ARAP2: variants seen among roughly 807,000 people sequenced by gnomAD.
The protein encoded by ARAP2 is arf-GAP with Rho-GAP domain, ANK repeat and PH domain-containing protein 2.
Under a neutral mutation model 194.5 loss-of-function variants are expected in ARAP2, and 148 were observed. The ratio of observed to expected loss-of-function variants is 0.76; its 90% CI spans 0.67 to 0.87. The LOEUF is 0.87. Ranked by LOEUF, ARAP2 falls within the 40% of genes least tolerant of loss-of-function variation. The pLI is 0.00. For synonymous variants in ARAP2, 695 were observed against 683.5 expected (o/e 1.02, Z -0.26); for missense variants, 2,128 against 1,989.7 (o/e 1.07, Z -1.32).
intron 2 of ARAP2, among the ~76,000 whole-genome samples, chr4:36,057,381 G>A (rs904939429): frequency 2.7e-5 from 4 of 149,958 alleles, no homozygotes; most frequent in Non-Finnish European, 4.4e-5. Context: ...CTTAGAGTTC[G>A]GCTAACATAT....
At chr4:36,161,713 T>C (rs1734005758) in intron 11 of ARAP2, among the ~76,000 whole-genome samples, 163 bp from the exon 12 acceptor site, 1 of 141,846 alleles carries the variant, frequency 7.0e-6, no homozygotes. Flanking sequence ...ACAAGAGCAC[T>C]AACAGTAGTG....
intron 2 of ARAP2, among the ~76,000 whole-genome samples, chr4:36,222,620 A>G (rs1457502349): frequency 6.6e-6 from 1 of 152,104 alleles, no homozygotes; most frequent in Non-Finnish European, 1.5e-5. Context: ...GATAAACACC[A>G]GTTTCAGAAT....
At chr4:36,113,944 C>T (rs1295782039) in intron 26 of ARAP2, among the ~76,000 whole-genome samples, 1 of 151,842 alleles carries the variant, frequency 6.6e-6, no homozygotes, top group East Asian at 1.9e-4. Context: ...GCAGCAAAAG[C>T]GGTACCTAAA....
Position 36,231,836 on chromosome 4 carries a change from A to G in ARAP2, c.-159-2191T>C, listed in dbSNP as rs987724792. On this transcript the variant is annotated intron_variant, in intron 1 of 32. Coordinates refer to ENST00000303965, the MANE Select transcript of ARAP2 (RefSeq NM_015230.4). The stretch of plus-strand genomic sequence containing the variant: ...CTACCGATTTTACTCCTTGCTACTG[A>G]TAGAATTATGTCCTCCCAAAATTCC... Among the ~76,000 whole-genome samples the G allele has an allele frequency of 2.0e-5, 3 of 152,108 alleles. No individual in the cohort carries two copies. In the East Asian group the frequency reaches 5.8e-4, roughly 29 times the overall value.
chr4:36,161,720 A>G (rs1734008766), intron 11 of ARAP2, among the ~76,000 whole-genome samples, 170 bp from the exon 12 acceptor site: 1 of 149,724 alleles, frequency 6.7e-6, no homozygotes, highest in South Asian at 2.1e-4. Context: ...CACTAACAGT[A>G]GTGGTGAGAA....
At chr4:36,163,244 G>A (rs6825757) in intron 11 of ARAP2, among the ~76,000 whole-genome samples, 1,589 of 150,908 alleles carry the variant, frequency 0.011, 35 homozygotes, top group African/African-American at 0.037. Context: ...AAATACATGG[G>A]AAAAAAAATA....
intron 5 of ARAP2, among the ~76,000 whole-genome samples, chr4:36,026,847 A>G (rs2109352766): frequency 6.6e-6 from 1 of 152,356 alleles, no homozygotes; most frequent in African/African-American, 2.4e-5. Flanking sequence ...GCTTACACTA[A>G]AATTGTTTTT....
At chr4:36,009,882 G>GA (rs1714101658) in intron 9 of ARAP2, among the ~76,000 whole-genome samples, 2 of 142,946 alleles carry the variant, frequency 1.4e-5, no homozygotes, top group East Asian at 2.3e-4. Context: ...GTTTTTTTTG[G>GA]CGGGGGGTAG....
intron 5 of ARAP2, among the ~76,000 whole-genome samples, chr4:36,033,682 T>C (rs1719402273): frequency 6.6e-6 from 1 of 152,178 alleles, no homozygotes; most frequent in Non-Finnish European, 1.5e-5. Context: ...TTTGCTTTTT[T>C]TGTGATTGCT....
intron 27 of ARAP2, among the ~76,000 whole-genome samples, chr4:36,106,889 G>T (rs1321086881): frequency 2.0e-5 from 3 of 151,814 alleles, no homozygotes; most frequent in African/African-American, 7.3e-5. Flanking sequence ...TCAATCCTTA[G>T]CTTATTGAGT....
At chr4:36,009,982 C>A (rs1042935743) in intron 9 of ARAP2, among the ~76,000 whole-genome samples, 1 of 151,562 alleles carries the variant, frequency 6.6e-6, no homozygotes, top group Non-Finnish European at 1.5e-5. Flanking sequence ...TTTTTCCCTT[C>A]TGTTAATTTT....
At chr4:36,060,007 A>G (rs1724154886) in intron 1 of ARAP2, among the ~76,000 whole-genome samples, 1 of 152,200 alleles carries the variant, frequency 6.6e-6, no homozygotes, top group African/African-American at 2.4e-5. Flanking sequence ...AAACAGGAGC[A>G]GACAAATGAG....
At chr4:36,207,807 C>G (rs1446628448) in intron 6 of ARAP2, among the ~76,000 whole-genome samples, 1 of 151,856 alleles carries the variant, frequency 6.6e-6, no homozygotes, top group African/African-American at 2.4e-5. Context: ...AGTTCACTAC[C>G]CTGTTAATGT....
chr4:36,130,970 G>T (rs959339322), intron 20 of ARAP2, among the ~76,000 whole-genome samples: 1 of 151,772 alleles, frequency 6.6e-6, no homozygotes, highest in East Asian at 1.9e-4. Flanking sequence ...CCAAGAACTA[G>T]TGTAATTTAC....
intron 12 of ARAP2, 78 bp from the exon 13 acceptor site, chr4:36,160,719 T>A: frequency 8.5e-7 from 1 of 1,170,372 alleles, no homozygotes; most frequent in Non-Finnish European, 1.1e-6. Context: ...TGAATTATAT[T>A]ACAAATTAAA....
At chr4:36,205,291 C>T (rs1745312060) in intron 6 of ARAP2, among the ~76,000 whole-genome samples, 1 of 151,742 alleles carries the variant, frequency 6.6e-6, no homozygotes, top group South Asian at 2.1e-4. Flanking sequence ...ATCCCTAACA[C>T]TGAAAAGTTA....
intron 27 of ARAP2, among the ~76,000 whole-genome samples, chr4:36,105,827 C>T (rs1718265081): frequency 6.6e-6 from 1 of 151,886 alleles, no homozygotes; most frequent in African/African-American, 2.4e-5. Context: ...AATTCTTATC[C>T]ATTTTTATTC....
chr4:36,137,714 G>C (rs1424627877), intron 19 of ARAP2, among the ~76,000 whole-genome samples: 1 of 151,614 alleles, frequency 6.6e-6, no homozygotes, highest in Non-Finnish European at 1.5e-5. Flanking sequence ...GAACTAGGTA[G>C]GAATTGCACA....
chr4:36,159,594 G>C, intron 13 of ARAP2, 89 bp from the exon 14 acceptor site: 1 of 1,170,426 alleles, frequency 8.5e-7, no homozygotes, highest in Non-Finnish European at 1.1e-6. Flanking sequence ...TTTCATGTAT[G>C]GGATAAAGTC....
Sources: gnomAD v4.1 joint callset for allele counts (sites outside exome capture counted in the v4.1 genomes callset) on GRCh38, gnomAD v4.1.1 for gene constraint, MANE v1.5 for transcripts, NCBI Gene and HGNC (gene_info 2026-07-23, HGNC 2026-07-21) for gene names.